ST7L: variants seen among roughly 807,000 people sequenced by gnomAD.
ST7L encodes suppression of tumorigenicity 7 like.
ST7L carries 57 observed loss-of-function variants against 72.5 expected under a neutral mutation model. The observed-to-expected ratio is 0.79, with a 90% CI of 0.64 to 0.98. The LOEUF is 0.98. Ranked by LOEUF, ST7L falls within the 50% of genes least tolerant of loss-of-function variation. The probability of loss-of-function intolerance (pLI) is 0.00; values close to 1 mark genes in which losing one functional copy is unlikely to be tolerated. For synonymous variants in ST7L, 221 were observed against 240.9 expected (o/e 0.92, Z 0.77); for missense variants, 576 against 672.2 (o/e 0.86, Z 1.58).
At chr1:112,574,150 T>C (rs187208205) in intron 11 of ST7L, among the ~76,000 whole-genome samples, 2,908 of 149,072 alleles carry the variant, frequency 0.02, 102 homozygotes, top group African/African-American at 0.067. Flanking sequence ...CTCTTGAGCT[T>C]AGGCGATCCA....
At chr1:112,610,679 C>T (rs1668939028) in intron 3 of ST7L, 162 bp downstream of exon 3, 1 of 837,342 alleles carries the variant, frequency 1.2e-6, no homozygotes, top group Non-Finnish European at 1.8e-6. Context: ...ACCTGATCAC[C>T]TCCCAAAGAC....
intron 1 of ST7L, among the ~76,000 whole-genome samples, chr1:112,617,749 AC>A (rs1447343786): frequency 6.6e-5 from 10 of 151,178 alleles, no homozygotes; most frequent in African/African-American, 2.5e-4. Flanking sequence ...ACACACACAC[AC>A]ACACACGAAA....
Position 112,541,783 on chromosome 1 carries a change from C to T in ST7L, c.1629+168G>A, listed in dbSNP as rs536375639. 2.2e-3 allele frequency: 2,871 copies of T among 1,326,132 alleles called. 5 individuals are homozygous for T. The highest frequency in any genetic ancestry group is 2.6e-3 in the Non-Finnish European group (2,681 of 1,034,928). The allele number at this position is 1,326,132 out of a possible 1,614,324, so 82.1% of individuals were successfully genotyped here. ...TAAGCAACAGAAGTAGCTCAAATCACCAAAAATTTATGTTTGATGTATTTA... is the reference window on the plus strand; with the variant it reads ...TAAGCAACAGAAGTAGCTCAAATCATCAAAAATTTATGTTTGATGTATTTA... On this transcript the variant is annotated intron_variant, in intron 14 of 14. Transcript: ENST00000358039.
intron 11 of ST7L, among the ~76,000 whole-genome samples, chr1:112,573,136 G>A (rs1286737754): frequency 6.6e-6 from 1 of 151,810 alleles, no homozygotes; most frequent in Admixed American, 6.6e-5. Flanking sequence ...ATCATCTGAG[G>A]TTGGGAGTTT....
Position 112,598,076 on chromosome 1 carries a change from CCCAAGTGTATCT to C in ST7L, c.507-2_516del. ...TATGTAAGTGGCTCTTTACCAGTCA[CCCAAGTGTATCT>C]TTACCAAAACACAACAAAATATTTA... On this transcript the variant is annotated splice_acceptor_variant and coding_sequence_variant, in exon 5 of 15. Coordinates refer to ENST00000358039, the MANE Select transcript of ST7L (RefSeq NM_017744.5). LOFTEE classifies it high-confidence loss of function. 1 of 1,611,404 alleles carries C rather than the reference CCCAAGTGTATCT, an allele frequency of 6.2e-7. No individual in the cohort carries two copies. Among genetic ancestry groups the C allele is most frequent in the Non-Finnish European group, 8.5e-7 (1 of 1,178,790 alleles).
At chr1:112,603,949 G>A (rs550486955) in intron 3 of ST7L, among the ~76,000 whole-genome samples, 11 of 152,068 alleles carry the variant, frequency 7.2e-5, no homozygotes, top group Non-Finnish European at 1.6e-4. Flanking sequence ...ATGAATTTTG[G>A]GGAACACAAT....
At chr1:112,533,798 G>C (rs1654764578) in intron 14 of ST7L, among the ~76,000 whole-genome samples, 1 of 152,110 alleles carries the variant, frequency 6.6e-6, no homozygotes, top group Admixed American at 6.6e-5. Flanking sequence ...TGAAACTACA[G>C]GGGTGCGCCA....
chr1:112,616,966 T>C lies in ST7L; in HGVS notation c.206-71A>G, dbSNP rs1669985070. ...AGTACTTAGGTTACAAATATGCAAG[T>C]ATCTTTATGAGTGGTGGGACTTAAG... is the stretch of plus-strand genomic sequence containing the variant. On this transcript the variant is annotated intron_variant, in intron 1 of 14. Transcript: ENST00000358039. The C allele has an allele frequency of 5.7e-6, 6 of 1,044,400 alleles. No homozygotes were observed. The South Asian group carries it at 6.8e-5, about 12-fold the overall frequency. 64.7% of individuals were successfully genotyped at this position (1,044,400 alleles called of 1,614,324 possible).
At position 112,573,304 on chromosome 1, in the gene ST7L, C is replaced by T. The variant is rs375191819; in HGVS notation, c.1245+3682G>A. ...TGGAGGTTGCAGTGAGCCGAGATCG[C>T]GCCATTGCACTCCAGCCCGGGCAGC... On this transcript the variant is annotated intron_variant, in intron 11 of 14. Coordinates refer to ENST00000358039, the MANE Select transcript of ST7L (RefSeq NM_017744.5). Among the ~76,000 whole-genome samples the T allele has an allele frequency of 1.5e-3, 218 of 141,704 alleles. 1 individual carries two copies. The highest frequency in any genetic ancestry group is 5.1e-3 in the African/African-American group (198 of 38,740). 93.0% of individuals were successfully genotyped at this position (141,704 alleles called of 152,430 possible).
chr1:112,574,165 C>G (rs1474446209), intron 11 of ST7L, among the ~76,000 whole-genome samples: 1 of 149,334 alleles, frequency 6.7e-6, no homozygotes, highest in Non-Finnish European at 1.5e-5. Context: ...GATCCACCCA[C>G]CTCGGCCTCC....
At chr1:112,612,100 C>CT (rs1558061377) in intron 2 of ST7L, among the ~76,000 whole-genome samples, 1 of 151,478 alleles carries the variant, frequency 6.6e-6, no homozygotes, top group Non-Finnish European at 1.5e-5. Flanking sequence ...TTTTTATTTC[C>CT]TTTTTTTAAA....
chr1:112,596,889 G>A (rs139157776), intron 5 of ST7L, among the ~76,000 whole-genome samples: 1,774 of 152,072 alleles, frequency 0.012, 34 homozygotes, highest in African/African-American at 0.04. Flanking sequence ...CATCCACCTC[G>A]GCCTCCCAAA....
chr1:112,581,343 T>C (rs553862523), intron 9 of ST7L, among the ~76,000 whole-genome samples: 1 of 152,136 alleles, frequency 6.6e-6, no homozygotes, highest in South Asian at 2.1e-4. Flanking sequence ...TGCTCATTTG[T>C]CTGTATGCTC....
chr1:112,558,649 G>A (rs767594854), intron 11 of ST7L, among the ~76,000 whole-genome samples: 8 of 152,108 alleles, frequency 5.3e-5, no homozygotes. Context: ...TCCAGTTTGG[G>A]GACTTAACAT....
At chr1:112,521,646 C>G (rs1283370471), downstream of ST7L, 5 of 152,174 alleles carry the variant, frequency 3.3e-5, no homozygotes, top group Admixed American at 2.6e-4. Flanking sequence ...CTCAACAAAT[C>G]TTTATTTAGT....
In ST7L at chr1:112,542,747, C is replaced by CTAAA. The variant is rs71081246; in HGVS notation, c.1490-661_1490-658dup. On this transcript the variant is annotated intron_variant, in intron 13 of 14. Transcript: ENST00000358039. ...TCCAGCCTGGGTGACAGACCTGTCT[C>CTAAA]TAAATAAATAAATAAATAAATAAAT... 3.5e-3 allele frequency among the ~76,000 whole-genome samples: 500 copies of CTAAA among 142,914 alleles called. 3 individuals carry two copies. The highest frequency in any genetic ancestry group is 3.8e-3 in the Admixed American group (54 of 14,250). The allele number at this position is 142,914 out of a possible 152,430, so 93.8% of individuals were successfully genotyped here.
At chr1:112,614,012 G>A (rs943582955) in intron 2 of ST7L, among the ~76,000 whole-genome samples, 15 of 152,034 alleles carry the variant, frequency 9.9e-5, no homozygotes, top group African/African-American at 2.9e-4. Flanking sequence ...GTACAGACAC[G>A]AGACACCACA....
rs1653158048 is a variant in ST7L at position 112,524,807 on chromosome 1, G to A, written c.*1206C>T. The A allele has an allele frequency of 6.6e-6, 1 of 151,990 alleles. No homozygotes were observed. The highest frequency in any genetic ancestry group is 1.5e-5 in the Non-Finnish European group (1 of 68,016). 9.4% of individuals were successfully genotyped at this position (151,990 alleles called of 1,614,324 possible). ...ACAGACACATAGAGAACTTCTCTCA[G>A]GCTGCATAGGAGTTCTGCTCATCCT... On this transcript the variant is annotated 3_prime_UTR_variant, in exon 15 of 15. Transcript: ENST00000358039.
In ST7L at chr1:112,540,946, T is replaced by C. The variant is rs1424145371; in HGVS notation, c.1629+1005A>G. The C allele has an allele frequency of 3.2e-6, 3 of 927,844 alleles. No individual in the cohort carries two copies. The East Asian group carries it at 1.8e-4, about 57-fold the overall frequency. 57.5% of individuals were successfully genotyped at this position (927,844 alleles called of 1,614,324 possible). ...TTGGAGACTTAAAGGCAATTATCTTTGCTAATTTTACTTTGAGCCAGTGAC... is the reference window on the plus strand; with the variant it reads ...TTGGAGACTTAAAGGCAATTATCTTCGCTAATTTTACTTTGAGCCAGTGAC... On this transcript the variant is annotated intron_variant, in intron 14 of 14. Coordinates refer to ENST00000358039, the MANE Select transcript of ST7L (RefSeq NM_017744.5).
Sources: gnomAD v4.1 joint callset for allele counts (sites outside exome capture counted in the v4.1 genomes callset) on GRCh38, gnomAD v4.1.1 for gene constraint, MANE v1.5 for transcripts, NCBI Gene and HGNC (gene_info 2026-07-23, HGNC 2026-07-21) for gene names.